ABTB2: variants seen among roughly 807,000 people sequenced by gnomAD.
ABTB2 encodes the protein ankyrin repeat and BTB domain containing 2, also known as ankyrin repeat and BTB/POZ domain-containing protein 2.
ABTB2 carries 56 observed loss-of-function variants against 104.1 expected under a neutral mutation model. That is an observed-to-expected ratio of 0.54 (90% CI 0.43 to 0.67). The LOEUF is 0.67. Ranked by LOEUF, ABTB2 falls within the 30% of genes least tolerant of loss-of-function variation. ABTB2 has a pLI of 0.00. For missense variants in ABTB2, 1,279 were observed against 1,407.7 expected, an observed-to-expected ratio of 0.91 and a Z score of 1.46; for synonymous variants, 606 against 608.2, an observed-to-expected ratio of 1.00 and a Z score of 0.05.
At chr11:34,240,410 C>A (rs1853900344) in intron 1 of ABTB2, among the ~76,000 whole-genome samples, 1 of 152,230 alleles carries the variant, frequency 6.6e-6, no homozygotes, top group African/African-American at 2.4e-5. Flanking sequence ...GTGGGGCCCC[C>A]AAGAAACGGC....
chr11:34,152,066 G>A lies in ABTB2; in HGVS notation c.*321C>T. The A allele has an allele frequency of 2.7e-6, 1 of 376,726 alleles. No individual in the cohort carries two copies. The highest frequency in any genetic ancestry group is 5.0e-6 in the Non-Finnish European group (1 of 199,524). 23.3% of individuals were successfully genotyped at this position (376,726 alleles called of 1,614,324 possible). ...GTAGAGCTTGGAGGGCCTGGGCGGA[G>A]GTGGATCAGGATCAGCTGCTGACCT... On this transcript the variant is annotated 3_prime_UTR_variant, in exon 17 of 17. Transcript: ENST00000435224.
At chr11:34,206,297 C>G (rs181593841) in intron 1 of ABTB2, among the ~76,000 whole-genome samples, 1 of 152,108 alleles carries the variant, frequency 6.6e-6, no homozygotes, top group Non-Finnish European at 1.5e-5. Flanking sequence ...GCAGGAGCAT[C>G]GCTTGAACCC....
intron 1 of ABTB2, among the ~76,000 whole-genome samples, chr11:34,324,639 G>A (rs551463121): frequency 6.6e-6 from 1 of 152,338 alleles, no homozygotes; most frequent in East Asian, 1.9e-4. Context: ...CACTGGATCA[G>A]CCTCCAGGAG....
At chr11:34,307,605 C>A (rs1171319703) in intron 1 of ABTB2, among the ~76,000 whole-genome samples, 1 of 152,142 alleles carries the variant, frequency 6.6e-6, no homozygotes, top group Non-Finnish European at 1.5e-5. Context: ...CACACATTTT[C>A]CAAAGTGTAA....
intron 1 of ABTB2, among the ~76,000 whole-genome samples, chr11:34,262,746 G>A (rs755688475): frequency 1.3e-5 from 2 of 152,142 alleles, no homozygotes; most frequent in Non-Finnish European, 2.9e-5. Context: ...ATGCAATACT[G>A]TTTTCTCAAG....
intron 1 of ABTB2, among the ~76,000 whole-genome samples, chr11:34,259,662 G>A (rs1854165222): frequency 6.6e-6 from 1 of 152,154 alleles, no homozygotes; most frequent in African/African-American, 2.4e-5. Context: ...TTAAAGAAAG[G>A]TGACCGGTTA....
intron 1 of ABTB2, among the ~76,000 whole-genome samples, chr11:34,323,031 C>T (rs879871882): frequency 4.5e-4 from 69 of 152,134 alleles, no homozygotes; most frequent in Non-Finnish European, 2.9e-4. Context: ...TACCTTAGCT[C>T]GAGTAGCTGG....
chr11:34,210,431 C>T (rs1853467611), intron 1 of ABTB2, among the ~76,000 whole-genome samples: 1 of 152,226 alleles, frequency 6.6e-6, no homozygotes, highest in South Asian at 2.1e-4. Context: ...AACACCACCA[C>T]TTTCCCCCAT....
At chr11:34,168,549 C>G (rs946009185) in intron 5 of ABTB2, among the ~76,000 whole-genome samples, 2 of 152,238 alleles carry the variant, frequency 1.3e-5, no homozygotes, top group Non-Finnish European at 2.9e-5. Context: ...CAGCATCTCC[C>G]TCCATCATCG....
At chr11:34,242,475 C>T (rs1324333769) in intron 1 of ABTB2, 2 of 152,328 alleles carry the variant, frequency 1.3e-5, no homozygotes, top group Non-Finnish European at 2.9e-5. Flanking sequence ...CAGCACTTAC[C>T]TCATCCTTGT....
At chr11:34,214,165 C>T (rs1853521500) in intron 1 of ABTB2, among the ~76,000 whole-genome samples, 3 of 151,812 alleles carry the variant, frequency 2.0e-5, no homozygotes, top group Admixed American at 2.0e-4. Context: ...CACACACACA[C>T]ACACACACAC....
chr11:34,333,794 T>C (rs1408478788), intron 1 of ABTB2, among the ~76,000 whole-genome samples: 1 of 152,008 alleles, frequency 6.6e-6, no homozygotes, highest in African/African-American at 2.4e-5. Context: ...AAACAGGTAA[T>C]GCCTCCAGCT....
intron 1 of ABTB2, among the ~76,000 whole-genome samples, chr11:34,245,142 C>A (rs954808920): frequency 6.6e-6 from 1 of 152,206 alleles, no homozygotes; most frequent in African/African-American, 2.4e-5. Context: ...CTGATAACAG[C>A]CTCTGACTGA....
chr11:34,295,562 G>A (rs1428131403), intron 1 of ABTB2, among the ~76,000 whole-genome samples: 1 of 152,210 alleles, frequency 6.6e-6, no homozygotes, highest in South Asian at 2.1e-4. Context: ...AGCTGGCTAG[G>A]GAATGAATGG....
intron 1 of ABTB2, among the ~76,000 whole-genome samples, chr11:34,326,205 AAAAT>A (rs1282161126): frequency 6.6e-6 from 1 of 152,142 alleles, no homozygotes; most frequent in Non-Finnish European, 1.5e-5. Flanking sequence ...AACATCTAGG[AAAAT>A]ACCGATTCTA....
intron 1 of ABTB2, among the ~76,000 whole-genome samples, chr11:34,311,666 T>G (rs1248387191): frequency 2.6e-5 from 4 of 152,204 alleles, no homozygotes; most frequent in African/African-American, 9.7e-5. Flanking sequence ...AAGGTGTCCA[T>G]TTATACTGGG....
intron 1 of ABTB2, among the ~76,000 whole-genome samples, chr11:34,350,078 T>C (rs1355689533): frequency 6.6e-6 from 1 of 152,186 alleles, no homozygotes; most frequent in Non-Finnish European, 1.5e-5. Context: ...TGTGACTTGC[T>C]TGAAGGCCTA....
chr11:34,200,498 C>A (rs1283806190), intron 2 of ABTB2, among the ~76,000 whole-genome samples: 1 of 152,180 alleles, frequency 6.6e-6, no homozygotes, highest in Non-Finnish European at 1.5e-5. Flanking sequence ...ACCAGAAAGA[C>A]AAATGGCTGC....
intron 1 of ABTB2, among the ~76,000 whole-genome samples, chr11:34,257,755 T>C (rs1232412098): frequency 6.6e-6 from 1 of 152,134 alleles, no homozygotes; most frequent in Non-Finnish European, 1.5e-5. Flanking sequence ...ATCTGGCTAA[T>C]TTATTTTTAT....
Sources: allele counts gnomAD v4.1 joint callset (sites outside exome capture counted in the v4.1 genomes callset), GRCh38; gene constraint gnomAD v4.1.1; transcripts MANE v1.5; gene names NCBI Gene and HGNC (gene_info 2026-07-23, HGNC 2026-07-21).